Variants in ADARB2 observed in about 807,000 individuals in gnomAD.
The protein encoded by ADARB2 is inactive double-stranded RNA-specific editase B2.
A neutral mutation model predicts 62.2 loss-of-function variants in ADARB2; 25 were observed. The observed-to-expected ratio is 0.40, with a 90% confidence interval of 0.29 to 0.56. The LOEUF is 0.56. ADARB2 is among the 20% of genes least tolerant of loss of function. The pLI is 0.43. For missense variants in ADARB2, 1,071 were observed against 1,077.4 expected (o/e 0.99, Z 0.08); for synonymous variants, 572 against 500.8 (o/e 1.14, Z -1.90).
At chr10:1,656,184 A>G (rs1290509302) in intron 1 of ADARB2, among the ~76,000 whole-genome samples, 1 of 152,238 alleles carries the variant, frequency 6.6e-6, no homozygotes, top group African/African-American at 2.4e-5. Context: ...TTTTAAAGGT[A>G]CTACATCGCC....
chr10:1,629,940 C>T (rs1833821647), intron 1 of ADARB2, among the ~76,000 whole-genome samples: 1 of 151,280 alleles, frequency 6.6e-6, no homozygotes, highest in African/African-American at 2.5e-5. Context: ...CCTGACAAAA[C>T]CAACCCCCGT....
At chr10:1,357,128 C>T (rs1046418418) in intron 3 of ADARB2, among the ~76,000 whole-genome samples, 10 of 152,146 alleles carry the variant, frequency 6.6e-5, no homozygotes, top group African/African-American at 9.7e-5. Flanking sequence ...GACGTGAAAC[C>T]GAACTCAGGA....
intron 1 of ADARB2, among the ~76,000 whole-genome samples, chr10:1,700,371 G>A (rs1352373340): frequency 2.2e-4 from 1 of 4,618 alleles, no homozygotes; most frequent in Non-Finnish European, 9.5e-4. Context: ...GAGACCAGGC[G>A]CTCGCCAATA....
intron 1 of ADARB2, among the ~76,000 whole-genome samples, chr10:1,513,944 C>T (rs945817758): frequency 2.6e-5 from 4 of 151,492 alleles, no homozygotes; most frequent in African/African-American, 7.3e-5. Flanking sequence ...AAAATACAGC[C>T]GGGGGCAATG....
chr10:1,339,004 A>G (rs1831998594), intron 3 of ADARB2, among the ~76,000 whole-genome samples: 1 of 152,234 alleles, frequency 6.6e-6, no homozygotes, highest in Non-Finnish European at 1.5e-5. Context: ...GATTCAAAGC[A>G]TCGCTTCTCT....
chr10:1,234,165 T>C (rs1830838269), intron 5 of ADARB2, among the ~76,000 whole-genome samples: 1 of 151,636 alleles, frequency 6.6e-6, no homozygotes, highest in Non-Finnish European at 1.5e-5. Context: ...ATTTTTGTAT[T>C]TTTAGTAGAT....
chr10:1,416,622 G>C (rs1028557313), intron 1 of ADARB2, among the ~76,000 whole-genome samples: 1 of 152,244 alleles, frequency 6.6e-6, no homozygotes, highest in African/African-American at 2.4e-5. Context: ...AGGGGCCCTG[G>C]AGTTTCTCAC....
intron 1 of ADARB2, among the ~76,000 whole-genome samples, chr10:1,570,334 C>T (rs190166074): frequency 3.3e-5 from 5 of 152,318 alleles, no homozygotes; most frequent in East Asian, 1.9e-4. Context: ...TCCCCCTTGG[C>T]GGTTGCTACC....
chr10:1,590,344 G>T (rs140277706), intron 1 of ADARB2, among the ~76,000 whole-genome samples: 2 of 152,216 alleles, frequency 1.3e-5, no homozygotes, highest in Non-Finnish European at 2.9e-5. Flanking sequence ...CAAGATAATA[G>T]CTCCATATGA....
intron 4 of ADARB2, among the ~76,000 whole-genome samples, chr10:1,258,838 G>C (rs1050079692): frequency 5.9e-5 from 9 of 152,176 alleles, no homozygotes; most frequent in Admixed American, 4.6e-4. Flanking sequence ...CAAATCAACA[G>C]AATATACATT....
intron 1 of ADARB2, among the ~76,000 whole-genome samples, chr10:1,599,688 G>A (rs894672937): frequency 3.9e-5 from 6 of 152,258 alleles, no homozygotes; most frequent in Admixed American, 1.3e-4. Context: ...GAAAAAATTC[G>A]CACCTGGCCT....
chr10:1,684,110 A>G (rs1399619763), intron 1 of ADARB2, among the ~76,000 whole-genome samples: 1 of 152,256 alleles, frequency 6.6e-6, no homozygotes, highest in Non-Finnish European at 1.5e-5. Context: ...AGGAGAAGCA[A>G]ACTATGGAGT....
At chr10:1,567,363 G>A (rs979477768) in intron 1 of ADARB2, among the ~76,000 whole-genome samples, 2 of 152,232 alleles carry the variant, frequency 1.3e-5, no homozygotes, top group Admixed American at 1.3e-4. Flanking sequence ...ACCCAGTGCG[G>A]TGGGATGGGT....
chr10:1,552,070 C>T (rs866966305), intron 1 of ADARB2, among the ~76,000 whole-genome samples: 12 of 152,238 alleles, frequency 7.9e-5, no homozygotes, highest in Non-Finnish European at 1.2e-4. Flanking sequence ...CCCTCGCAGC[C>T]GATCACAGAA....
At chr10:1,240,994 A>G (rs753375676) in intron 5 of ADARB2, among the ~76,000 whole-genome samples, 6 of 151,994 alleles carry the variant, frequency 3.9e-5, no homozygotes, top group African/African-American at 9.7e-5. Context: ...GTGTGGGCTG[A>G]GCACAGTGGC....
chr10:1,727,904 C>A (rs893240170), intron 1 of ADARB2, among the ~76,000 whole-genome samples: 5 of 152,228 alleles, frequency 3.3e-5, no homozygotes, highest in African/African-American at 1.2e-4. Flanking sequence ...AAATAAGACT[C>A]ATGCCCAATA....
intron 7 of ADARB2, among the ~76,000 whole-genome samples, chr10:1,210,820 G>C (rs938812982): frequency 5.9e-5 from 9 of 152,238 alleles, no homozygotes; most frequent in Admixed American, 2.0e-4. Context: ...GGTGGGGACA[G>C]TTGGAAGCAG....
intron 1 of ADARB2, among the ~76,000 whole-genome samples, chr10:1,629,385 C>A (rs1188984245): frequency 2.0e-5 from 3 of 152,088 alleles, no homozygotes; most frequent in Non-Finnish European, 4.4e-5. Context: ...ATGGTCAGGA[C>A]TTCACAGTGA....
intron 9 of ADARB2, among the ~76,000 whole-genome samples, chr10:1,184,594 C>T (rs876629): frequency 0.34 from 51,381 of 152,134 alleles, 8,727 homozygotes; most frequent in Admixed American, 0.4. Flanking sequence ...GGTGCCGTGC[C>T]GGCTCCGTCA....
Sources: allele counts gnomAD v4.1 joint callset (sites outside exome capture counted in the v4.1 genomes callset), GRCh38; gene constraint gnomAD v4.1.1; transcripts MANE v1.5; gene names NCBI Gene and HGNC (gene_info 2026-07-23, HGNC 2026-07-21).